The following HDGFL3 variants were observed in gnomAD, a reference collection of about 807,000 sequenced individuals.
The protein encoded by HDGFL3 is hepatoma-derived growth factor-related protein 3.
Under a neutral mutation model 27.6 loss-of-function variants are expected in HDGFL3, and 6 were observed. That is an observed-to-expected ratio of 0.22 (90% CI 0.12 to 0.43). The LOEUF (loss-of-function observed/expected upper bound fraction) is 0.43, where lower values mean the gene tolerates loss of function less well. HDGFL3 is among the 20% of genes least tolerant of loss of function. The pLI is 1.00. For missense variants in HDGFL3, 207 were observed against 250.1 expected, an observed-to-expected ratio of 0.83 and a Z score of 1.16; for synonymous variants, 88 against 88.9, an observed-to-expected ratio of 0.99 and a Z score of 0.05.
At position 83,207,170 on chromosome 15, in the gene HDGFL3, C is replaced by T. The variant is rs566017554; in HGVS notation, c.84+161G>A. Reference sequence around the variant, plus strand: ...GCGAGGCCGGGAGCCCTTGCCTCAGCCCCGGCCCGGTCTTCTTCGTGCCGC... The same window carrying T: ...GCGAGGCCGGGAGCCCTTGCCTCAGTCCCGGCCCGGTCTTCTTCGTGCCGC... On this transcript the variant is annotated intron_variant, in intron 1 of 5. Coordinates refer to ENST00000299633, the MANE Select transcript of HDGFL3 (RefSeq NM_016073.4). This position sits in a 1 kb window ranked among gnomAD's most constrained non-coding sequence, Gnocchi z 4.8. Among the ~76,000 whole-genome samples the T allele has an allele frequency of 2.0e-5, 3 of 152,294 alleles. No homozygotes were observed. The highest frequency in any genetic ancestry group is 4.4e-5 in the Non-Finnish European group (3 of 68,012).
chr15:83,127,341 T>C, downstream of HDGFL3: 2 of 1,570,556 alleles, frequency 1.3e-6, no homozygotes, highest in Admixed American at 3.9e-5. Context: ...ATGATGTTAT[T>C]TCTCTGTTCA....
intron 4 of HDGFL3, among the ~76,000 whole-genome samples, chr15:83,154,264 G>GT (rs2037000856): frequency 6.6e-6 from 1 of 151,748 alleles, no homozygotes; most frequent in Non-Finnish European, 1.5e-5. Flanking sequence ...TGAGCCCAGG[G>GT]GGCAGAGGTT....
chr15:83,157,916 A>C lies in HDGFL3; in HGVS notation c.287T>G (p.Phe96Cys). 6.2e-7 allele frequency: 1 copy of C among 1,611,748 alleles called. No homozygotes were observed. The highest frequency in any genetic ancestry group is 1.3e-5 in the African/African-American group (1 of 74,972). The change falls in exon 3 of 6, where the codon TTT (phenylalanine) becomes TGT (cysteine). Residue 96 changes from phenylalanine to cysteine, a missense_variant. Coordinates refer to ENST00000299633, the MANE Select transcript of HDGFL3 (RefSeq NM_016073.4). ...GTAAACCATTACCTGGTAGCCAGTA[A>C]ACTTTACTCCTGGGTTATTTTCTAT... The part of the protein sequence containing the change: ...WEIENNPGVK[F>C]TGYQAIQQQS...
intron 5 of HDGFL3, among the ~76,000 whole-genome samples, chr15:83,148,998 A>C (rs2151397400): frequency 6.6e-6 from 1 of 152,284 alleles, no homozygotes; most frequent in South Asian, 2.1e-4. Flanking sequence ...TCTAGTTTTT[A>C]GGTTCGGTGG....
At position 83,136,698 on chromosome 15, in the gene HDGFL3, C is replaced by A; in HGVS notation, c.*2572G>T. ...AAATATTACTTCATGTTCCTCCTTT[C>A]TAAATTACTAACTTTTGTTATACTG... On this transcript the variant is annotated 3_prime_UTR_variant, in exon 6 of 6. Coordinates refer to ENST00000299633, the MANE Select transcript of HDGFL3 (RefSeq NM_016073.4). 6.4e-7 allele frequency: 1 copy of A among 1,563,070 alleles called. No homozygotes were observed. Among genetic ancestry groups the A allele is most frequent in the Non-Finnish European group, 8.7e-7 (1 of 1,154,336 alleles).
At chr15:83,123,702 G>T (rs888764719), downstream of HDGFL3, among the ~76,000 whole-genome samples, 1 of 152,202 alleles carries the variant, frequency 6.6e-6, no homozygotes, top group African/African-American at 2.4e-5. Context: ...TCCCTCTGAG[G>T]AAAGAGGTGG....
rs2037728078 is a variant in HDGFL3, at chr15:83,207,094, G to A, written c.84+237C>T. Among the ~76,000 whole-genome samples the A allele has an allele frequency of 6.6e-6, 1 of 152,196 alleles. No homozygotes were observed. The highest frequency in any genetic ancestry group is 1.5e-5 in the Non-Finnish European group (1 of 68,026). ...AGGCAGCGTCGGGCCTGCGGGGGCC[G>A]GACCCGCCTTCGAAAGTGGGCGGAA... On this transcript the variant is annotated intron_variant, in intron 1 of 5. Coordinates refer to ENST00000299633, the MANE Select transcript of HDGFL3 (RefSeq NM_016073.4). The surrounding 1 kb of genome is among the most constrained non-coding windows in gnomAD (Gnocchi z 4.8).
chr15:83,122,974 G>C (rs915958124), downstream of HDGFL3: 64 of 1,406,420 alleles, frequency 4.6e-5, no homozygotes, highest in Non-Finnish European at 5.9e-5. Context: ...CTGTGGACTG[G>C]AGCATTTGGG....
intron 1 of HDGFL3, among the ~76,000 whole-genome samples, chr15:83,175,230 CT>C (rs941783475): frequency 5.3e-5 from 8 of 152,150 alleles, no homozygotes; most frequent in Non-Finnish European, 1.0e-4. Context: ...TTTGTACCCC[CT>C]GGAACAAATA....
At chr15:83,157,270 C>T in intron 4 of HDGFL3, 145 bp downstream of exon 4, 1 of 779,804 alleles carries the variant, frequency 1.3e-6, no homozygotes, top group Admixed American at 2.5e-5. Context: ...ACCTGACTTC[C>T]CTCTGCTGTA....
chr15:83,187,276 T>C (rs1459264410), intron 1 of HDGFL3, among the ~76,000 whole-genome samples: 1 of 152,118 alleles, frequency 6.6e-6, no homozygotes, highest in Non-Finnish European at 1.5e-5. Flanking sequence ...TATAACAAAG[T>C]ATGCTTTTCT....
At chr15:83,170,546 T>C (rs2037233082) in intron 1 of HDGFL3, among the ~76,000 whole-genome samples, 2 of 152,322 alleles carry the variant, frequency 1.3e-5, no homozygotes, top group Non-Finnish European at 2.9e-5. Context: ...ACCTGTAACT[T>C]TCACCACATA....
rs945840405 is a variant in HDGFL3 at position 83,172,132 on chromosome 15, G to A, written c.85-8057C>T. ...TGTTAATGTAATAGTATTAAGAGGT[G>A]GGACTTTTCAGAGGTGATTAGGCCT... On this transcript the variant is annotated intron_variant, in intron 1 of 5. Coordinates refer to ENST00000299633, the MANE Select transcript of HDGFL3 (RefSeq NM_016073.4). Among the ~76,000 whole-genome samples, 6 of 152,136 alleles carry A rather than the reference G, an allele frequency of 3.9e-5. No individual in the cohort carries two copies. The South Asian group carries it at 1.0e-3, about 26-fold the overall frequency.
intron 2 of HDGFL3, among the ~76,000 whole-genome samples, chr15:83,159,959 T>C (rs2037077847): frequency 6.6e-6 from 1 of 152,132 alleles, no homozygotes; most frequent in African/African-American, 2.4e-5. Flanking sequence ...TAGGATAACT[T>C]TGGCTGCTGT....
chr15:83,122,681 A>T (rs2035378166), intron 3 of HDGFL3: 3 of 1,536,132 alleles, frequency 2.0e-6, no homozygotes. Flanking sequence ...ATGACCTGAG[A>T]TGGGGAGGTA....
At chr15:83,127,460 G>A, downstream of HDGFL3, 2 of 1,613,838 alleles carry the variant, frequency 1.2e-6, no homozygotes, top group Non-Finnish European at 1.7e-6. Context: ...ATTGATACAT[G>A]CTGGAGGTCT....
intron 5 of HDGFL3, among the ~76,000 whole-genome samples, chr15:83,147,369 T>G (rs1307667287): frequency 6.6e-6 from 1 of 152,130 alleles, no homozygotes; most frequent in Admixed American, 6.6e-5. Context: ...CCTACCTTCT[T>G]GCTTTCTAAA....
rs931069652 is a variant in HDGFL3 at position 83,133,598 on chromosome 15, T to C, written c.*5672A>G. On this transcript the variant is annotated 3_prime_UTR_variant, in exon 6 of 6. Transcript: ENST00000299633. ...CATTGCTAAATTCTGGAGAAATTTCTAGGATCAACAACTCATATCTGTAAT... is the reference window on the plus strand; with the variant it reads ...CATTGCTAAATTCTGGAGAAATTTCCAGGATCAACAACTCATATCTGTAAT... The C allele has an allele frequency of 1.3e-5, 2 of 152,252 alleles. No homozygotes were observed. Among genetic ancestry groups the C allele is most frequent in the African/African-American group, 4.8e-5 (2 of 41,466 alleles). The allele number at this position is 152,252 out of a possible 1,614,324, so 9.4% of individuals were successfully genotyped here. A position where few individuals can be genotyped will look rare whatever the true frequency, so the allele number is the denominator to read the frequency against.
At chr15:83,164,369 A>AAAAAAAAAAAAAAAAAAAAAAAAAAAAAT in intron 1 of HDGFL3, among the ~76,000 whole-genome samples, 1 of 86,320 alleles carries the variant, frequency 1.2e-5, no homozygotes, top group Non-Finnish European at 2.4e-5. Flanking sequence ...AGAGTAACCA[A>AAAAAAAAAAAAAAAAAAAAAAAAAAAAAT]AAAAAAAAAA....
Sources: allele counts gnomAD v4.1 joint callset (sites outside exome capture counted in the v4.1 genomes callset), GRCh38; gene constraint gnomAD v4.1.1; non-coding constraint Gnocchi (gnomAD v3.1); transcripts MANE v1.5; gene names NCBI Gene and HGNC (gene_info 2026-07-23, HGNC 2026-07-21).